The following ATP6V1H variants were observed in gnomAD, a reference collection of about 807,000 sequenced individuals.
ATP6V1H encodes ATPase H+ transporting V1 subunit H.
Under a neutral mutation model 71.7 loss-of-function variants are expected in ATP6V1H, and 39 were observed. The observed-to-expected ratio is 0.54, with a 90% CI of 0.42 to 0.71. The LOEUF (loss-of-function observed/expected upper bound fraction) is 0.71. Among genes scored for constraint, ATP6V1H ranks in the 30% least tolerant of loss-of-function variants. The probability of loss-of-function intolerance (pLI) is 0.00; values close to 1 mark genes in which losing one functional copy is unlikely to be tolerated. For missense variants in ATP6V1H, 509 were observed against 594.9 expected, an observed-to-expected ratio of 0.86 and a Z score of 1.50; for synonymous variants, 192 against 199.3, an observed-to-expected ratio of 0.96 and a Z score of 0.31.
chr8:53,717,506 TA>T (rs1806467145), intron 13 of ATP6V1H, among the ~76,000 whole-genome samples: 1 of 152,242 alleles, frequency 6.6e-6, no homozygotes, highest in Non-Finnish European at 1.5e-5. Context: ...GATGTCACAT[TA>T]AAGTGTTTAA....
intron 13 of ATP6V1H, among the ~76,000 whole-genome samples, chr8:53,724,766 GT>G (rs1287716388): frequency 5.3e-5 from 8 of 151,416 alleles, no homozygotes; most frequent in Non-Finnish European, 1.2e-4. Flanking sequence ...GGTATTTGGG[GT>G]TTCTGTTACA....
chr8:53,836,976 A>G (rs1380914530), intron 2 of ATP6V1H, among the ~76,000 whole-genome samples: 1 of 152,132 alleles, frequency 6.6e-6, no homozygotes, highest in Non-Finnish European at 1.5e-5. Flanking sequence ...CTCTGTCTCC[A>G]CTAAAAATAC....
chr8:53,798,681 A>G (rs892307086), intron 8 of ATP6V1H, among the ~76,000 whole-genome samples: 1 of 152,140 alleles, frequency 6.6e-6, no homozygotes, highest in Non-Finnish European at 1.5e-5. Flanking sequence ...TAGAAAGTAC[A>G]TATTTCTGAA....
intron 3 of ATP6V1H, among the ~76,000 whole-genome samples, chr8:53,831,519 C>T (rs1424057820): frequency 1.3e-5 from 2 of 152,168 alleles, no homozygotes; most frequent in Non-Finnish European, 2.9e-5. Context: ...ACAAAAGGTG[C>T]CAAAAACCAT....
chr8:53,821,387 AAGAG>A (rs979227205), intron 4 of ATP6V1H, among the ~76,000 whole-genome samples: 98 of 150,652 alleles, frequency 6.5e-4, no homozygotes, highest in Middle Eastern at 3.4e-3. Flanking sequence ...AAAAAAAAAA[AAGAG>A]AGAGAGAGAG....
At position 53,769,733 on chromosome 8, in the gene ATP6V1H, C is replaced by G. The variant is rs1808589405; in HGVS notation, c.1060G>C (p.Glu354Gln). The G allele has an allele frequency of 1.2e-6, 2 of 1,605,330 alleles. No homozygotes were observed. The highest frequency in any genetic ancestry group is 1.7e-6 in the Non-Finnish European group (2 of 1,176,666). Residue 354 changes from glutamate (E) to glutamine (Q), a missense_variant, in exon 11 of 14, where the codon GAA (glutamate) becomes CAA (glutamine). This residue lies in a region of ATP6V1H where 212 missense variants were observed against 291.6 expected (regional missense o/e 0.73). Transcript: ENST00000359530. ...ESVQDLSSFD[E>Q]YSSELKSGRL... Reference sequence around the variant, plus strand: ...CCAGATTTAAGTTCTGAACTGTATTCATCAAATGAACTATAAAAATGTTCA... The same window carrying G: ...CCAGATTTAAGTTCTGAACTGTATTGATCAAATGAACTATAAAAATGTTCA...
intron 8 of ATP6V1H, among the ~76,000 whole-genome samples, chr8:53,801,388 C>T (rs965076680): frequency 2.0e-5 from 3 of 152,200 alleles, no homozygotes; most frequent in African/African-American, 7.2e-5. Context: ...GGCAGCTCCT[C>T]AAAGTTTCTA....
At chr8:53,801,690 G>C (rs1809914188) in intron 8 of ATP6V1H, 109 bp downstream of exon 8, 1 of 909,570 alleles carries the variant, frequency 1.1e-6, no homozygotes, top group Non-Finnish European at 1.6e-6. Context: ...TTGTTAAACA[G>C]ATATGAAAAA....
intron 13 of ATP6V1H, among the ~76,000 whole-genome samples, chr8:53,728,918 A>G (rs1806916917): frequency 6.6e-6 from 1 of 152,248 alleles, no homozygotes; most frequent in African/African-American, 2.4e-5. Context: ...TCCCACTAAC[A>G]GATTCTAGCT....
At chr8:53,719,741 T>G (rs977928624) in intron 13 of ATP6V1H, among the ~76,000 whole-genome samples, 2 of 152,168 alleles carry the variant, frequency 1.3e-5, no homozygotes, top group Non-Finnish European at 1.5e-5. Context: ...TTCTCCCTTT[T>G]ACAAAAGAGG....
chr8:53,815,877 A>T (rs1039066713), intron 5 of ATP6V1H, among the ~76,000 whole-genome samples: 1 of 152,242 alleles, frequency 6.6e-6, no homozygotes, highest in East Asian at 1.9e-4. Context: ...TCTGCCCCTC[A>T]GAATGTGAAA....
chr8:53,811,854 C>T (rs953515018), intron 6 of ATP6V1H, among the ~76,000 whole-genome samples: 2 of 152,118 alleles, frequency 1.3e-5, no homozygotes, highest in Non-Finnish European at 2.9e-5. Flanking sequence ...CCAAGTGCAA[C>T]GCTCCAAACT....
At chr8:53,780,317 G>T (rs1809062561) in intron 9 of ATP6V1H, among the ~76,000 whole-genome samples, 1 of 151,998 alleles carries the variant, frequency 6.6e-6, no homozygotes. Flanking sequence ...AGTCATTTTT[G>T]ATTTTCCCTT....
chr8:53,774,859 G>A (rs1006839158), intron 9 of ATP6V1H, among the ~76,000 whole-genome samples: 21 of 152,222 alleles, frequency 1.4e-4, no homozygotes, highest in African/African-American at 2.4e-4. Context: ...TGACTACAGC[G>A]GCTAGAAAGT....
chr8:53,724,857 G>GAA (rs201415994), intron 13 of ATP6V1H, among the ~76,000 whole-genome samples: 23 of 135,908 alleles, frequency 1.7e-4, no homozygotes, highest in East Asian at 1.4e-3. Context: ...TTGTCTGCAA[G>GAA]AAAAAAAAAA....
Position 53,815,795 on chromosome 8 carries a change from T to C in ATP6V1H, c.421-1029A>G, listed in dbSNP as rs55709736. Among the ~76,000 whole-genome samples the C allele has an allele frequency of 6.7e-3, 1,028 of 152,338 alleles. 7 individuals carry two copies. Among genetic ancestry groups the C allele is most frequent in the African/African-American group, 0.023 (974 of 41,578 alleles). ...GATTGAAAATATTATCAGCAGTGCATGCACAAGACAAAGGAACAAGAGCAT... is the reference window on the plus strand; with the variant it reads ...GATTGAAAATATTATCAGCAGTGCACGCACAAGACAAAGGAACAAGAGCAT... On this transcript the variant is annotated intron_variant, in intron 5 of 13. Coordinates refer to ENST00000359530, the MANE Select transcript of ATP6V1H (RefSeq NM_015941.4).
chr8:53,807,798 G>C (rs959187271), intron 7 of ATP6V1H, among the ~76,000 whole-genome samples: 4 of 152,252 alleles, frequency 2.6e-5, no homozygotes, highest in Non-Finnish European at 5.9e-5. Flanking sequence ...GCATTTTATA[G>C]CATGTGAAAT....
At chr8:53,786,998 G>A (rs1028200198) in intron 9 of ATP6V1H, among the ~76,000 whole-genome samples, 9 of 152,180 alleles carry the variant, frequency 5.9e-5, no homozygotes, top group Non-Finnish European at 1.3e-4. Context: ...TTCAAGACAT[G>A]TAAAATACAA....
At chr8:53,817,294 T>A (rs1426105489) in intron 5 of ATP6V1H, 123 bp downstream of exon 5, 1 of 546,950 alleles carries the variant, frequency 1.8e-6, no homozygotes. Context: ...TCCCAGCACT[T>A]TGGGAGGCCA....
Sources: gnomAD v4.1 joint callset for allele counts (sites outside exome capture counted in the v4.1 genomes callset) on GRCh38, gnomAD v4.1.1 for gene constraint, gnomAD v4.1.1 regional missense constraint, MANE v1.5 for transcripts, NCBI Gene and HGNC (gene_info 2026-07-23, HGNC 2026-07-21) for gene names.